The following NEGR1 variants were observed in gnomAD, a reference collection of about 807,000 sequenced individuals.
NEGR1 encodes IgLON family member 4.
In NEGR1, 10 loss-of-function variants were observed where a neutral mutation model predicts 40.9. The ratio of observed to expected loss-of-function variants is 0.24; its 90% CI spans 0.15 to 0.42. The LOEUF is 0.42. NEGR1 is among the 10% of genes least tolerant of loss of function. The pLI, the probability that NEGR1 is intolerant of heterozygous loss-of-function variation, is 1.00. For missense variants in NEGR1, 352 were observed against 438.9 expected, an observed-to-expected ratio of 0.80 and a Z score of 1.77; for synonymous variants, 185 against 166.8, an observed-to-expected ratio of 1.11 and a Z score of -0.84.
chr1:71,628,455 T>A (rs1188173103), intron 4 of NEGR1, among the ~76,000 whole-genome samples: 5 of 152,098 alleles, frequency 3.3e-5, no homozygotes, highest in Non-Finnish European at 5.9e-5. Context: ...GAGATACATG[T>A]GCAGAACATG....
At chr1:72,005,436 T>C (rs1053051705) in intron 1 of NEGR1, among the ~76,000 whole-genome samples, 8 of 152,184 alleles carry the variant, frequency 5.3e-5, no homozygotes, top group African/African-American at 1.9e-4. Flanking sequence ...CTTCCATCTA[T>C]ATATTCTTTC....
At chr1:71,690,648 A>AGAGAGAGG (rs1653242991) in intron 4 of NEGR1, among the ~76,000 whole-genome samples, 1 of 149,524 alleles carries the variant, frequency 6.7e-6, no homozygotes, top group Non-Finnish European at 1.5e-5. Context: ...AGAGAGAGAG[A>AGAGAGAGG]GAGAGAGAGA....
At chr1:71,411,703 A>G (rs936821127) in intron 6 of NEGR1, among the ~76,000 whole-genome samples, 3 of 152,156 alleles carry the variant, frequency 2.0e-5, no homozygotes, top group African/African-American at 4.8e-5. Flanking sequence ...GAAAGGCAAG[A>G]GTAAAGCCTA....
chr1:71,939,387 C>T (rs1448776184), intron 1 of NEGR1, among the ~76,000 whole-genome samples: 6 of 151,818 alleles, frequency 4.0e-5, no homozygotes, highest in African/African-American at 7.3e-5. Context: ...ATTCCAAGGG[C>T]CTAAAAATAA....
intron 5 of NEGR1, among the ~76,000 whole-genome samples, chr1:71,594,909 T>C (rs115857178): frequency 2.1e-4 from 32 of 152,308 alleles, no homozygotes; most frequent in Non-Finnish European, 4.4e-4. Flanking sequence ...TTGTGCTCCA[T>C]CGACCAACAG....
At chr1:71,683,819 T>A (rs1256348110) in intron 4 of NEGR1, among the ~76,000 whole-genome samples, 1 of 151,794 alleles carries the variant, frequency 6.6e-6, no homozygotes, top group Non-Finnish European at 1.5e-5. Context: ...CTTATTTTTG[T>A]GTTTTGAGGA....
chr1:72,111,625 T>TA (rs1462244339), intron 1 of NEGR1, among the ~76,000 whole-genome samples: 1 of 151,810 alleles, frequency 6.6e-6, no homozygotes, highest in Non-Finnish European at 1.5e-5. Flanking sequence ...GTGACTAAGA[T>TA]AAAAAACACT....
At chr1:71,768,209 T>A (rs1656196378) in intron 3 of NEGR1, among the ~76,000 whole-genome samples, 1 of 152,066 alleles carries the variant, frequency 6.6e-6, no homozygotes, top group Admixed American at 6.6e-5. Context: ...TGACAGCTTG[T>A]ACCCTACACC....
intron 6 of NEGR1, chr1:71,461,893 G>A (rs181514733): frequency 3.3e-5 from 5 of 152,244 alleles, no homozygotes; most frequent in Admixed American, 3.3e-4. Flanking sequence ...ATCTTCACAG[G>A]CCCCTTAGTC....
intron 6 of NEGR1, among the ~76,000 whole-genome samples, chr1:71,503,943 G>C (rs909946064): frequency 4.0e-5 from 6 of 151,132 alleles, no homozygotes; most frequent in African/African-American, 1.2e-4. Flanking sequence ...TGGGATAATA[G>C]TGATCCCAGG....
rs1035570089 is a variant in NEGR1, at chr1:72,273,219, G to C, written c.176+9100C>G. ...TGATACAAAAGTTATGCTCTGGTTT[G>C]GGGCATGTAGCTACTTTTTACAATT... On this transcript the variant is annotated intron_variant, in intron 1 of 6. Transcript: ENST00000357731. 5.9e-5 allele frequency among the ~76,000 whole-genome samples: 9 copies of C among 152,048 alleles called. No individual in the cohort carries two copies. The South Asian group carries it at 1.9e-3, about 32-fold the overall frequency.
intron 6 of NEGR1, among the ~76,000 whole-genome samples, chr1:71,480,913 A>G (rs1476612706): frequency 2.0e-5 from 3 of 151,922 alleles, no homozygotes; most frequent in African/African-American, 4.8e-5. Context: ...TAAAAATTAT[A>G]TAACTAGTAA....
chr1:71,708,192 G>A (rs1653967720), intron 3 of NEGR1, among the ~76,000 whole-genome samples: 1 of 151,862 alleles, frequency 6.6e-6, no homozygotes, highest in Non-Finnish European at 1.5e-5. Flanking sequence ...AGGAGAAATA[G>A]AGATATGTGC....
chr1:72,095,456 C>T (rs919059029), intron 1 of NEGR1, among the ~76,000 whole-genome samples: 43 of 151,924 alleles, frequency 2.8e-4, no homozygotes, highest in African/African-American at 9.9e-4. Context: ...CTTCTATATA[C>T]TAATTGATTA....
At chr1:71,981,813 G>C (rs368280241) in intron 1 of NEGR1, among the ~76,000 whole-genome samples, 1 of 151,678 alleles carries the variant, frequency 6.6e-6, no homozygotes, top group Non-Finnish European at 1.5e-5. Context: ...AGGGTTAGAG[G>C]CTTCATGCAT....
intron 2 of NEGR1, among the ~76,000 whole-genome samples, chr1:71,831,420 A>G (rs1017428993): frequency 8.6e-5 from 13 of 151,992 alleles, no homozygotes; most frequent in African/African-American, 3.1e-4. Flanking sequence ...TCATCTTTAC[A>G]TACACAATGT....
chr1:71,572,188 T>C (rs1241397465), intron 6 of NEGR1, among the ~76,000 whole-genome samples: 2 of 152,206 alleles, frequency 1.3e-5, no homozygotes, highest in African/African-American at 4.8e-5. Context: ...GTGACCCCTC[T>C]GATCTCTGTT....
intron 1 of NEGR1, among the ~76,000 whole-genome samples, chr1:72,114,948 C>A (rs1649525689): frequency 6.6e-6 from 1 of 151,808 alleles, no homozygotes; most frequent in South Asian, 2.1e-4. Flanking sequence ...AGTATTGTAA[C>A]AAGACACCGT....
At chr1:71,625,236 AT>A (rs1169122131) in intron 4 of NEGR1, among the ~76,000 whole-genome samples, 1 of 151,652 alleles carries the variant, frequency 6.6e-6, no homozygotes, top group African/African-American at 2.4e-5. Context: ...CACATTTTTG[AT>A]TTTTTTGTGT....
Sources: allele counts gnomAD v4.1 joint callset (sites outside exome capture counted in the v4.1 genomes callset), GRCh38; gene constraint gnomAD v4.1.1; transcripts MANE v1.5; gene names NCBI Gene and HGNC (gene_info 2026-07-23, HGNC 2026-07-21).